Variants in CFAP77 observed in about 807,000 individuals in gnomAD.
CFAP77 encodes cilia- and flagella-associated protein 77.
A neutral mutation model predicts 31.1 loss-of-function variants in CFAP77; 25 were observed. The observed-to-expected ratio is 0.80, with a 90% confidence interval of 0.59 to 1.12. CFAP77 has a LOEUF of 1.12. Among genes scored for constraint, CFAP77 ranks in the 50% most tolerant of loss-of-function variants. CFAP77 has a pLI of 0.00. For missense variants in CFAP77, 377 were observed against 397.3 expected (o/e 0.95, Z 0.44); for synonymous variants, 151 against 159.9 (o/e 0.94, Z 0.42).
rs563703673 is a variant in CFAP77, at chr9:132,509,543, T to C, written c.524+9943T>C. Among the ~76,000 whole-genome samples the C allele has an allele frequency of 2.0e-5, 3 of 152,242 alleles. No homozygotes were observed. In the South Asian group the frequency reaches 6.2e-4, roughly 32 times the overall value. On this transcript the variant is annotated intron_variant, in intron 3 of 5. Coordinates refer to ENST00000393216, the MANE Select transcript of CFAP77 (RefSeq NM_001282957.2). ...CGTCACTTTGGGAGGCCAAGGCAAG[T>C]AGATCACTTGAGGTCAGGAGTTCGA...
chr9:132,463,866 C>T (rs1851104876), intron 1 of CFAP77, among the ~76,000 whole-genome samples: 1 of 152,226 alleles, frequency 6.6e-6, no homozygotes, highest in South Asian at 2.1e-4. Flanking sequence ...AAACACTCAC[C>T]TGGCTTGGCC....
At chr9:132,570,965 T>C (rs550626180) in intron 5 of CFAP77, among the ~76,000 whole-genome samples, 1 of 152,034 alleles carries the variant, frequency 6.6e-6, no homozygotes, top group African/African-American at 2.4e-5. Flanking sequence ...CCGAGGGGGA[T>C]TCCACGTGGC....
chr9:132,473,104 G>T (rs905847781), intron 1 of CFAP77, among the ~76,000 whole-genome samples: 2 of 152,148 alleles, frequency 1.3e-5, no homozygotes, highest in Non-Finnish European at 2.9e-5. Flanking sequence ...GGGAGTCAGG[G>T]GTTGGGGGAG....
At chr9:132,414,499 T>TCACACACACACACA (rs34016277) in intron 1 of CFAP77, among the ~76,000 whole-genome samples, 2 of 143,680 alleles carry the variant, frequency 1.4e-5, no homozygotes, top group African/African-American at 2.6e-5. Context: ...TAGCTCTTAT[T>TCACACACACACACA]CACACACACA....
At chr9:132,485,704 G>A (rs1022582495) in intron 1 of CFAP77, among the ~76,000 whole-genome samples, 5 of 151,998 alleles carry the variant, frequency 3.3e-5, no homozygotes, top group African/African-American at 9.6e-5. Flanking sequence ...AAAGTACGAC[G>A]CCAAGTGATT....
chr9:132,414,250 C>T (rs549630065), intron 1 of CFAP77, among the ~76,000 whole-genome samples: 3 of 152,280 alleles, frequency 2.0e-5, no homozygotes, highest in South Asian at 2.1e-4. Flanking sequence ...GACTTCTTGA[C>T]GGCCAAGAAA....
intron 1 of CFAP77, among the ~76,000 whole-genome samples, chr9:132,414,846 C>T (rs1225542282): frequency 6.6e-6 from 1 of 152,142 alleles, no homozygotes; most frequent in African/African-American, 2.4e-5. Context: ...TATTTAGAGC[C>T]AGTGTGTTCA....
At chr9:132,419,827 C>G (rs1589839065) in intron 1 of CFAP77, among the ~76,000 whole-genome samples, 1 of 152,088 alleles carries the variant, frequency 6.6e-6, no homozygotes, top group Admixed American at 6.5e-5. Flanking sequence ...GTAGTCTGAT[C>G]AGAGAGAACC....
chr9:132,460,281 G>A (rs1851027277), intron 1 of CFAP77, among the ~76,000 whole-genome samples: 1 of 152,142 alleles, frequency 6.6e-6, no homozygotes, highest in South Asian at 2.1e-4. Flanking sequence ...CAGGGCCTTG[G>A]GTAAGTGACT....
intron 1 of CFAP77, among the ~76,000 whole-genome samples, chr9:132,469,199 A>T (rs1249470813): frequency 6.6e-6 from 1 of 152,202 alleles, no homozygotes; most frequent in Non-Finnish European, 1.5e-5. Flanking sequence ...AGACCCAGCC[A>T]TGAGAAGGGC....
At chr9:132,505,093 C>T (rs551670800) in intron 3 of CFAP77, among the ~76,000 whole-genome samples, 7 of 152,318 alleles carry the variant, frequency 4.6e-5, no homozygotes, top group African/African-American at 1.7e-4. Flanking sequence ...AATAAAGTCC[C>T]ACCTCAGACT....
At chr9:132,416,435 G>A (rs183110694) in intron 1 of CFAP77, among the ~76,000 whole-genome samples, 4 of 135,446 alleles carry the variant, frequency 3.0e-5, no homozygotes, top group South Asian at 2.5e-4. Context: ...CCGCCTCCCC[G>A]GTTCAAGGGA....
In CFAP77 at chr9:132,424,599, C is replaced by T. The variant is rs1850282692; in HGVS notation, c.195+14133C>T. On this transcript the variant is annotated intron_variant, in intron 1 of 5. Transcript: ENST00000393216. The surrounding 1 kb of genome is among the most constrained non-coding windows in gnomAD (Gnocchi z 4.1). ...AGGAAGCACACTACCAAGAAGGCGG[C>T]AGAGGGAGGTTCCTGGGAAAGGGAT... 6.6e-6 allele frequency among the ~76,000 whole-genome samples: 1 copy of T among 152,126 alleles called. No individual in the cohort carries two copies. Among genetic ancestry groups the T allele is most frequent in the Non-Finnish European group, 1.5e-5 (1 of 68,020 alleles).
chr9:132,570,475 C>T (rs1829944439), intron 5 of CFAP77, among the ~76,000 whole-genome samples: 1 of 152,226 alleles, frequency 6.6e-6, no homozygotes, highest in Non-Finnish European at 1.5e-5. Context: ...GGTGCTGCGG[C>T]TGGGCTGAGG....
chr9:132,475,148 C>T (rs140493708), intron 1 of CFAP77, among the ~76,000 whole-genome samples: 50 of 152,296 alleles, frequency 3.3e-4, no homozygotes, highest in South Asian at 8.3e-4. Flanking sequence ...CTGCATTAAC[C>T]GAGCCTGAGG....
chr9:132,422,319 C>T lies in CFAP77; in HGVS notation c.195+11853C>T, dbSNP rs142569206. 7.2e-4 allele frequency among the ~76,000 whole-genome samples: 110 copies of T among 152,246 alleles called. 2 individuals carry two copies. The highest frequency in any genetic ancestry group is 2.3e-3 in the African/African-American group (95 of 41,564). On this transcript the variant is annotated intron_variant, in intron 1 of 5. Transcript: ENST00000393216. ...CTACTGTGCCCAGCCCAGCAGGTGG[C>T]TTTCAAGGCCCTGCAGAAGACAGAC...
intron 1 of CFAP77, among the ~76,000 whole-genome samples, chr9:132,489,679 C>A (rs1289099821): frequency 6.6e-6 from 1 of 152,180 alleles, no homozygotes; most frequent in Non-Finnish European, 1.5e-5. Flanking sequence ...GGAGGGTGAT[C>A]TCAGCCTCCA....
intron 1 of CFAP77, among the ~76,000 whole-genome samples, chr9:132,486,692 T>A (rs1402570438): frequency 1.3e-5 from 2 of 152,258 alleles, no homozygotes; most frequent in African/African-American, 4.8e-5. Flanking sequence ...GGCCGGGGAC[T>A]CCGAGCGGAT....
At chr9:132,568,900 A>G (rs1829921602) in intron 5 of CFAP77, among the ~76,000 whole-genome samples, 1 of 152,118 alleles carries the variant, frequency 6.6e-6, no homozygotes, top group South Asian at 2.1e-4. Flanking sequence ...GGGTTTCACC[A>G]TGCTGCCTAG....
Sources: gnomAD v4.1 joint callset for allele counts (sites outside exome capture counted in the v4.1 genomes callset) on GRCh38, gnomAD v4.1.1 for gene constraint, Gnocchi (gnomAD v3.1) non-coding constraint, MANE v1.5 for transcripts, NCBI Gene and HGNC (gene_info 2026-07-23, HGNC 2026-07-21) for gene names.